Variants in CDKL5 observed in about 807,000 individuals in gnomAD.
CDKL5 encodes cyclin dependent kinase like 5, also known as cyclin-dependent kinase-like 5.
In CDKL5, 8 loss-of-function variants were observed where a neutral mutation model predicts 61.7. The observed-to-expected ratio is 0.13, with a 90% CI of 0.08 to 0.23. The LOEUF (loss-of-function observed/expected upper bound fraction) is 0.23. Among genes scored for constraint, CDKL5 ranks in the 10% least tolerant of loss-of-function variants. The probability of loss-of-function intolerance (pLI) is 1.00; values close to 1 mark genes in which losing one functional copy is unlikely to be tolerated. For synonymous variants in CDKL5, 275 were observed against 272.3 expected (o/e 1.01, Z -0.10); for missense variants, 440 against 734.5 (o/e 0.60, Z 4.63).
intron 7 of CDKL5, among the ~76,000 whole-genome samples, chrX:18,582,831 G>GGAA (rs1315344559): frequency 9.0e-6 from 1 of 111,248 alleles, no homozygotes; most frequent in Non-Finnish European, 1.9e-5. Context: ...TGTAGCAAAT[G>GGAA]GAAGCATGTG....
chrX:18,614,766 G>A (rs1926666679), intron 15 of CDKL5, among the ~76,000 whole-genome samples: 1 of 112,411 alleles, frequency 8.9e-6, no homozygotes, highest in African/African-American at 3.2e-5. Context: ...ACTTACCAGT[G>A]TTGACCATTT....
intron 9 of CDKL5, among the ~76,000 whole-genome samples, chrX:18,594,736 T>C (rs182216713): frequency 2.6e-3 from 293 of 112,908 alleles, no homozygotes; most frequent in African/African-American, 9.0e-3. Flanking sequence ...TTGTTTATAA[T>C]CAGATGATAT....
At chrX:18,542,004 A>G (rs1435577234) in intron 3 of CDKL5, among the ~76,000 whole-genome samples, 1 of 111,531 alleles carries the variant, frequency 9.0e-6, no homozygotes, top group Non-Finnish European at 1.9e-5. Context: ...GCATGTTGAG[A>G]TTTCCCTACT....
intron 3 of CDKL5, among the ~76,000 whole-genome samples, chrX:18,551,559 CATTATTATTATTATTATT>C (rs10659381): frequency 1.2e-3 from 96 of 80,951 alleles, no homozygotes; most frequent in African/African-American, 4.0e-3. Flanking sequence ...GATACCTTGA[CATTATTATTATTATTATT>C]ATTATTATTA....
chrX:18,575,581 AT>A (rs1925274013), intron 5 of CDKL5, 91 bp downstream of exon 5: 2 of 826,189 alleles, frequency 2.4e-6, no homozygotes, highest in Admixed American at 4.5e-5. Flanking sequence ...GTTATCTAAT[AT>A]GGCTTATCAA....
At chrX:18,626,070 T>C (rs1261536097) in intron 17 of CDKL5, among the ~76,000 whole-genome samples, 2 of 107,877 alleles carry the variant, frequency 1.9e-5, no homozygotes, top group Non-Finnish European at 3.9e-5. Flanking sequence ...ACTACTGTTT[T>C]TTTTTTTTTT....
intron 2 of CDKL5, among the ~76,000 whole-genome samples, chrX:18,509,829 TA>T (rs1467068387): frequency 1.8e-5 from 2 of 110,142 alleles, no homozygotes; most frequent in Non-Finnish European, 3.8e-5. Context: ...TTAATTGGAA[TA>T]CTGAGGCCTG....
intron 3 of CDKL5, among the ~76,000 whole-genome samples, chrX:18,552,588 T>C: frequency 8.9e-6 from 1 of 111,809 alleles, no homozygotes; most frequent in African/African-American, 3.3e-5. Flanking sequence ...CAAGTGATCA[T>C]GTAAATCTGT....
chrX:18,479,611 G>A (rs746668115), intron 1 of CDKL5, among the ~76,000 whole-genome samples: 44 of 110,666 alleles, frequency 4.0e-4, no homozygotes, highest in Non-Finnish European at 7.9e-4. Flanking sequence ...GAGCCACCAC[G>A]CCCGGCCAGC....
chrX:18,640,771 C>G (rs966612203), downstream of CDKL5: 2 of 112,429 alleles, frequency 1.8e-5, no homozygotes, highest in Non-Finnish European at 3.8e-5. Flanking sequence ...AGAGCAGCCT[C>G]GTCCTCTGAT....
chrX:18,630,806 A>C lies in CDKL5; in HGVS notation c.*2049A>C, dbSNP rs1184089275. 7 of 748,468 alleles carry C rather than the reference A, an allele frequency of 9.4e-6. No individual in the cohort carries two copies. The highest frequency in any genetic ancestry group is 7.0e-5 in the South Asian group (1 of 14,366). 61.7% of individuals were successfully genotyped at this position (748,468 alleles called of 1,213,427 possible). On this transcript the variant is annotated 3_prime_UTR_variant, in exon 18 of 18. Transcript: ENST00000623535. ...CTTTTTCTGTCTTACTTCTTTCACC[A>C]GTTCAGTACTGTTTGGGTAGCTCTG...
chrX:18,609,860 C>T (rs1402225452), intron 14 of CDKL5, among the ~76,000 whole-genome samples: 1 of 112,109 alleles, frequency 8.9e-6, no homozygotes, highest in African/African-American at 3.2e-5. Flanking sequence ...TTCTGTCAAG[C>T]CATAACATAC....
intron 3 of CDKL5, among the ~76,000 whole-genome samples, chrX:18,546,251 A>G (rs987509612): frequency 1.9e-5 from 2 of 104,386 alleles, no homozygotes; most frequent in Non-Finnish European, 3.9e-5. Context: ...CATATCTTCT[A>G]CTTCTTCTTT....
In CDKL5 at chrX:18,604,582, G is replaced by A; in HGVS notation, c.1658G>A (p.Gly553Glu). ...SPSGRNNRNE[G>E]TLDSRRTTTR... ...TCTGGAAGAAATAACCGAAATGAGG[G>A]AACGCTGGACTCACGTCGAACCACA... Residue 553 changes from glycine to glutamate, a missense_variant, in exon 12 of 18, where the codon GGA (glycine) becomes GAA (glutamate). By Grantham distance (98) the Gly-to-Glu change is moderately conservative (BLOSUM62 -2). Around this residue, in one of 2 missense-constraint regions of CDKL5, gnomAD observed 363 missense variants for 516.3 expected, o/e 0.70. Transcript: ENST00000623535. The A allele has an allele frequency of 1.7e-6, 2 of 1,211,752 alleles. No individual in the cohort carries two copies. The highest frequency in any genetic ancestry group is 2.2e-6 in the Non-Finnish European group (2 of 895,433).
rs1927350521 is a variant in CDKL5, at chrX:18,635,252, A to G, written c.*6495A>G. The G allele has an allele frequency of 1.3e-6, 1 of 748,992 alleles. No individual in the cohort carries two copies. Among genetic ancestry groups the G allele is most frequent in the African/African-American group, 2.3e-5 (1 of 42,977 alleles). 61.7% of individuals were successfully genotyped at this position (748,992 alleles called of 1,213,427 possible). On this transcript the variant is annotated 3_prime_UTR_variant, in exon 18 of 18. Coordinates refer to ENST00000623535, the MANE Select transcript of CDKL5 (RefSeq NM_001323289.2). ...CATTCTAAACTTATGTAAAATTTCT[A>G]TTGTTGCTGTAAATATTACACAAAT...
chrX:18,650,540 G>C, exon 21 of CDKL5: 1 of 1,211,752 alleles, frequency 8.3e-7, no homozygotes, highest in Non-Finnish European at 1.1e-6. Context: ...CCATGTGCCC[G>C]ACACTCCAGG....
At chrX:18,441,723 G>C (rs1281953367) in intron 1 of CDKL5, among the ~76,000 whole-genome samples, 1 of 111,706 alleles carries the variant, frequency 9.0e-6, no homozygotes, top group Non-Finnish European at 1.9e-5. Flanking sequence ...TACCAGAACA[G>C]TGTCTGTTCC....
chrX:18,601,823 C>G (rs1178206279), intron 11 of CDKL5, among the ~76,000 whole-genome samples: 1 of 112,324 alleles, frequency 8.9e-6, no homozygotes, highest in Non-Finnish European at 1.9e-5. Context: ...TCCAAAGGCT[C>G]AAGCAGCTGC....
intron 21 of CDKL5, among the ~76,000 whole-genome samples, chrX:18,652,530 G>C (rs951220992): frequency 3.6e-5 from 4 of 111,351 alleles, no homozygotes; most frequent in Non-Finnish European, 5.7e-5. Flanking sequence ...TTAGCCGAGC[G>C]CAGTGGTTGG....
Sources: gnomAD v4.1 joint callset for allele counts (sites outside exome capture counted in the v4.1 genomes callset) on GRCh38, gnomAD v4.1.1 for gene constraint, gnomAD v4.1.1 regional missense constraint, MANE v1.5 for transcripts, NCBI Gene and HGNC (gene_info 2026-07-23, HGNC 2026-07-21) for gene names.